Variants in RPH3A observed in about 807,000 individuals in gnomAD.
RPH3A encodes rabphilin-3A.
RPH3A carries 48 observed loss-of-function variants against 102.2 expected under a neutral mutation model. That is an observed-to-expected ratio of 0.47 (90% CI 0.37 to 0.60). The LOEUF (loss-of-function observed/expected upper bound fraction) is 0.60, where lower values mean the gene tolerates loss of function less well. Among genes scored for constraint, RPH3A ranks in the 20% least tolerant of loss-of-function variants. The pLI is 0.00. For missense variants in RPH3A, 781 were observed against 910.1 expected (o/e 0.86, Z 1.83); for synonymous variants, 310 against 324.3 (o/e 0.96, Z 0.47).
At chr12:112,614,068 G>A (rs1457877695) in intron 1 of RPH3A, among the ~76,000 whole-genome samples, 1 of 152,174 alleles carries the variant, frequency 6.6e-6, no homozygotes, top group African/African-American at 2.4e-5. Context: ...ACCACTACAA[G>A]CTGAAAAAGG....
intron 1 of RPH3A, among the ~76,000 whole-genome samples, chr12:112,783,964 A>G (rs569013082): frequency 6.6e-6 from 1 of 152,134 alleles, no homozygotes; most frequent in African/African-American, 2.4e-5. Flanking sequence ...AAAGCAAACT[A>G]GGGGCTTGAG....
intron 1 of RPH3A, among the ~76,000 whole-genome samples, chr12:112,698,511 A>G (rs891545706): frequency 1.3e-5 from 2 of 152,324 alleles, no homozygotes; most frequent in East Asian, 1.9e-4. Context: ...GATAAGTGAC[A>G]TATATTCCCA....
At chr12:112,785,363 G>C (rs552431279) in intron 1 of RPH3A, among the ~76,000 whole-genome samples, 1 of 152,112 alleles carries the variant, frequency 6.6e-6, no homozygotes, top group African/African-American at 2.4e-5. Context: ...GGAGGTGATG[G>C]AAATGACATT....
intron 1 of RPH3A, among the ~76,000 whole-genome samples, chr12:112,586,873 A>G (rs1358437156): frequency 6.6e-6 from 1 of 152,216 alleles, no homozygotes; most frequent in Non-Finnish European, 1.5e-5. Flanking sequence ...ACACAATACC[A>G]TCTCCTATAT....
rs556059385 is a variant in RPH3A, at chr12:112,720,585, T to C, written c.-139-71558T>C. Among the ~76,000 whole-genome samples, 6 of 152,336 alleles carry C rather than the reference T, an allele frequency of 3.9e-5. No individual in the cohort carries two copies. The East Asian group carries it at 1.2e-3, about 29-fold the overall frequency. Reference sequence around the variant, plus strand: ...CTAAATCTCAGTGACGTGCAACAAATGTTTGGTTCTTGCTCATAAGTTTGC... The same window carrying C: ...CTAAATCTCAGTGACGTGCAACAAACGTTTGGTTCTTGCTCATAAGTTTGC... On this transcript the variant is annotated intron_variant, in intron 1 of 21. Coordinates refer to the RPH3A transcript ENST00000543106.
chr12:112,774,185 C>T (rs1292098240), intron 1 of RPH3A, among the ~76,000 whole-genome samples: 2 of 151,864 alleles, frequency 1.3e-5, no homozygotes, highest in Non-Finnish European at 2.9e-5. Context: ...AATATACACA[C>T]ACAGATATAT....
intron 20 of RPH3A, among the ~76,000 whole-genome samples, chr12:112,894,937 T>C (rs934907468): frequency 6.6e-6 from 1 of 152,120 alleles, no homozygotes; most frequent in Non-Finnish European, 1.5e-5. Context: ...GGGGGAATGT[T>C]GACATGGTTA....
intron 1 of RPH3A, among the ~76,000 whole-genome samples, chr12:112,727,494 C>CAG (rs1491571695): frequency 4.2e-5 from 2 of 47,536 alleles, no homozygotes; most frequent in African/African-American, 1.5e-4. Flanking sequence ...CACACACAGA[C>CAG]CCCCCCCCCC....
intron 1 of RPH3A, among the ~76,000 whole-genome samples, chr12:112,785,183 T>C (rs1364703590): frequency 6.6e-6 from 1 of 151,032 alleles, no homozygotes; most frequent in Non-Finnish European, 1.5e-5. Context: ...GATTGCGCCA[T>C]TGAACTCCAG....
In RPH3A at chr12:112,847,855, G is replaced by A. The variant is rs1248422813; in HGVS notation, c.230+13G>A. On this transcript the variant is annotated intron_variant, in intron 5 of 21. Coordinates refer to ENST00000389385, the MANE Select transcript of RPH3A (RefSeq NM_001143854.2). ...AGGAGCGAATCGGGTGAGGCTTAAC[G>A]CTTCCCATTCACCCCAGAGCTGCTG... 1.2e-5 allele frequency: 20 copies of A among 1,612,926 alleles called. No individual in the cohort carries two copies. The highest frequency in any genetic ancestry group is 6.6e-5 in the South Asian group (6 of 90,830).
chr12:112,673,883 T>C (rs1276325066), intron 1 of RPH3A, among the ~76,000 whole-genome samples: 1 of 152,066 alleles, frequency 6.6e-6, no homozygotes, highest in Non-Finnish European at 1.5e-5. Flanking sequence ...ATTCTCTATC[T>C]CCATGAGTTT....
intron 5 of RPH3A, 148 bp from the exon 6 acceptor site, chr12:112,865,266 C>A: frequency 1.1e-6 from 1 of 905,048 alleles, no homozygotes; most frequent in Non-Finnish European, 1.7e-6. Flanking sequence ...TGTGCATGTG[C>A]CTTTTCTTGG....
chr12:112,630,827 A>G (rs2039798678), intron 1 of RPH3A, among the ~76,000 whole-genome samples: 1 of 152,104 alleles, frequency 6.6e-6, no homozygotes, highest in South Asian at 2.1e-4. Context: ...GACAGGTACA[A>G]TCCTTGCTGT....
intron 1 of RPH3A, among the ~76,000 whole-genome samples, chr12:112,736,131 C>T (rs187862222): frequency 1.3e-5 from 2 of 152,300 alleles, no homozygotes; most frequent in Admixed American, 6.5e-5. Context: ...AACCTTACCA[C>T]GTTTTGGACA....
chr12:112,670,252 G>A (rs1375838991), intron 1 of RPH3A, among the ~76,000 whole-genome samples: 3 of 152,056 alleles, frequency 2.0e-5, no homozygotes, highest in African/African-American at 4.8e-5. Flanking sequence ...GTGCAATCTC[G>A]GCTCACTGCA....
chr12:112,651,422 C>T (rs1455345185), intron 1 of RPH3A, among the ~76,000 whole-genome samples: 2 of 151,862 alleles, frequency 1.3e-5, no homozygotes, highest in Non-Finnish European at 2.9e-5. Flanking sequence ...CAACAAAAAC[C>T]AACTCCCGCC....
chr12:112,865,017 A>G (rs190368120), intron 5 of RPH3A, among the ~76,000 whole-genome samples: 118 of 152,266 alleles, frequency 7.7e-4, no homozygotes, highest in African/African-American at 2.8e-3. Context: ...GCCAAGATGA[A>G]AAGTTGAGTT....
chr12:112,822,696 T>C (rs1456101269), intron 2 of RPH3A, among the ~76,000 whole-genome samples: 1 of 152,216 alleles, frequency 6.6e-6, no homozygotes, highest in Non-Finnish European at 1.5e-5. Flanking sequence ...ACGTTTAGAT[T>C]GTTTGAAGGA....
intron 1 of RPH3A, among the ~76,000 whole-genome samples, chr12:112,631,963 C>T (rs1323433111): frequency 6.6e-6 from 1 of 152,148 alleles, no homozygotes; most frequent in Non-Finnish European, 1.5e-5. Context: ...TGTGTCCCCA[C>T]TCAAATCTCA....
Sources: gnomAD v4.1 joint callset for allele counts (sites outside exome capture counted in the v4.1 genomes callset) on GRCh38, gnomAD v4.1.1 for gene constraint, MANE v1.5 for transcripts, NCBI Gene and HGNC (gene_info 2026-07-23, HGNC 2026-07-21) for gene names.